The following KIAA1755 variants were observed in gnomAD, a reference collection of about 807,000 sequenced individuals.
KIAA1755 encodes KIAA1755.
KIAA1755 carries 68 observed loss-of-function variants against 91.7 expected under a neutral mutation model. The observed-to-expected ratio is 0.74, with a 90% confidence interval of 0.61 to 0.91. KIAA1755 has a LOEUF of 0.91. Among genes scored for constraint, KIAA1755 ranks in the 40% least tolerant of loss-of-function variants. The pLI is 0.00. For synonymous variants in KIAA1755, 610 were observed against 604.6 expected, an observed-to-expected ratio of 1.01 and a Z score of -0.13; for missense variants, 1,535 against 1,494.4, an observed-to-expected ratio of 1.03 and a Z score of -0.45.
Position 38,260,558 on chromosome 20 carries a change from G to A in KIAA1755, c.-58C>T, listed in dbSNP as rs950713879. The A allele has an allele frequency of 3.4e-6, 5 of 1,479,776 alleles. No homozygotes were observed. Among genetic ancestry groups the A allele is most frequent in the Middle Eastern group, 2.6e-4 (1 of 3,844 alleles). 91.7% of individuals were successfully genotyped at this position (1,479,776 alleles called of 1,614,324 possible). A position where few individuals can be genotyped will look rare whatever the true frequency, so the allele number is the denominator to read the frequency against. ...TCCTCTCCTGGGCGCGGGGTCTGTG[G>A]GTCCGCGGGTCCGTCTGTCTGGGGC... On this transcript the variant is annotated 5_prime_UTR_variant, in exon 1 of 14. Coordinates refer to ENST00000279024, the MANE Select transcript of KIAA1755 (RefSeq NM_001029864.2).
In KIAA1755 at chr20:38,223,544, C is replaced by T; in HGVS notation, c.2262G>A (p.Gly754=). 1.9e-6 allele frequency: 3 copies of T among 1,576,734 alleles called. No individual in the cohort carries two copies. Among genetic ancestry groups the T allele is most frequent in the Non-Finnish European group, 2.6e-6 (3 of 1,166,154 alleles). Reference sequence around the variant, plus strand: ...CACCATGCTCCAGGCTCACCTGCATCCCCCCAGGGGGGTCGGCCTTCTCGA... The same window carrying T: ...CACCATGCTCCAGGCTCACCTGCATTCCCCCAGGGGGGTCGGCCTTCTCGA... ...EEFEKADPPG[G]MQEATRCLSK... Residue 754 remains glycine (G), a synonymous_variant, in exon 9 of 14, where the codon GGG becomes GGA. Transcript: ENST00000279024.
chr20:38,228,632 G>T (rs770987107), intron 5 of KIAA1755, among the ~76,000 whole-genome samples: 4 of 152,168 alleles, frequency 2.6e-5, no homozygotes, highest in Non-Finnish European at 5.9e-5. Context: ...CTTCTGATTG[G>T]TTGAGGCCAA....
At chr20:38,222,630 TCC>T in intron 9 of KIAA1755, 33 bp from the exon 10 acceptor site, 1 of 1,605,050 alleles carries the variant, frequency 6.2e-7, no homozygotes, top group Non-Finnish European at 8.5e-7. Flanking sequence ...TGAGGCCCCA[TCC>T]CCACTCTCCC....
chr20:38,214,808 C>T (rs1241654368), intron 13 of KIAA1755, among the ~76,000 whole-genome samples: 1 of 152,226 alleles, frequency 6.6e-6, no homozygotes, highest in Non-Finnish European at 1.5e-5. Context: ...CGTTCCCAGC[C>T]GCTCGTGAAA....
chr20:38,225,909 GT>G, intron 7 of KIAA1755, 128 bp from the exon 8 acceptor site: 1 of 561,402 alleles, frequency 1.8e-6, no homozygotes. Context: ...AGCTTTAAAA[GT>G]TGCTTTGCCA....
At chr20:38,227,016 C>T (rs986020784) in intron 7 of KIAA1755, 138 bp downstream of exon 7, 2 of 604,856 alleles carry the variant, frequency 3.3e-6, no homozygotes, top group South Asian at 2.0e-5. Flanking sequence ...GCTTAGGCCT[C>T]GTATTTATTG....
At position 38,251,924 on chromosome 20, in the gene KIAA1755, G is replaced by C. The variant is rs1313445173; in HGVS notation, c.4-5798C>G. On this transcript the variant is annotated intron_variant, in intron 1 of 13. Coordinates refer to ENST00000279024, the MANE Select transcript of KIAA1755 (RefSeq NM_001029864.2). The stretch of plus-strand genomic sequence containing the variant: ...AAAATAAACAAATTTAAAGGGCACA[G>C]GTTGATGCCTTTTTAACCTATGTAT... 2.6e-5 allele frequency among the ~76,000 whole-genome samples: 4 copies of C among 152,032 alleles called. No homozygotes were observed. In the East Asian group the frequency reaches 7.7e-4, roughly 29 times the overall value.
chr20:38,249,522 C>G (rs918018906), intron 1 of KIAA1755, among the ~76,000 whole-genome samples: 1 of 152,174 alleles, frequency 6.6e-6, no homozygotes, highest in African/African-American at 2.4e-5. Flanking sequence ...ACTGAGGCTC[C>G]CTCCCACCCG....
rs747909268 is a variant in KIAA1755, at chr20:38,218,314, G to A, written c.2609C>T (p.Pro870Leu). The A allele has an allele frequency of 3.7e-6, 6 of 1,614,200 alleles. No homozygotes were observed. The highest frequency in any genetic ancestry group is 3.3e-5 in the Admixed American group (2 of 60,020). Residue 870 changes from proline to leucine, a missense_variant, in exon 12 of 14, where the codon CCC becomes CTC. Transcript: ENST00000279024. ...EGRRCLQSLT[P>L]KDGSLETVEK... ...CACTGTCTCCAAACTTCCATCCTTG[G>A]GGGTCAGTGATTGCAGGCACCGCCT...
chr20:38,217,593 T>G (rs2075573369), intron 12 of KIAA1755, 119 bp from the exon 13 acceptor site: 3 of 679,006 alleles, frequency 4.4e-6, no homozygotes. Context: ...AGCTTCAGTT[T>G]CCTCATCTGT....
At chr20:38,239,468 G>A in intron 4 of KIAA1755, 60 bp downstream of exon 4, 1 of 1,479,298 alleles carries the variant, frequency 6.8e-7, no homozygotes. Context: ...AACAGCAGCT[G>A]AAGATGCTCT....
At chr20:38,233,454 G>A (rs971537226) in intron 4 of KIAA1755, 17 of 152,070 alleles carry the variant, frequency 1.1e-4, no homozygotes, top group Admixed American at 5.2e-4. Context: ...AAATCCTATC[G>A]CAGCTGTTTG....
chr20:38,218,500 G>T, intron 11 of KIAA1755, 134 bp from the exon 12 acceptor site: 3 of 1,223,208 alleles, frequency 2.5e-6, no homozygotes, highest in South Asian at 3.0e-5. Flanking sequence ...CACTGGCTTG[G>T]ACTGAAATTC....
At chr20:38,257,582 A>G (rs1424620969) in intron 1 of KIAA1755, among the ~76,000 whole-genome samples, 3 of 141,886 alleles carry the variant, frequency 2.1e-5, no homozygotes, top group Non-Finnish European at 4.7e-5. Context: ...CTCCATCTAA[A>G]AAAAAAAAAA....
chr20:38,225,839 A>C, intron 7 of KIAA1755, 58 bp from the exon 8 acceptor site: 1 of 1,061,960 alleles, frequency 9.4e-7, no homozygotes, highest in Non-Finnish European at 1.4e-6. Context: ...TCATTTTAGA[A>C]GGTCCTGCCC....
chr20:38,219,569 G>T, intron 11 of KIAA1755, 61 bp downstream of exon 11: 2 of 1,600,534 alleles, frequency 1.2e-6, no homozygotes, highest in Non-Finnish European at 8.5e-7. Flanking sequence ...CAGAGTCGGG[G>T]CTTTCCTGTG....
At chr20:38,222,316 G>A in intron 10 of KIAA1755, 133 bp downstream of exon 10, 1 of 900,334 alleles carries the variant, frequency 1.1e-6, no homozygotes, top group Non-Finnish European at 1.7e-6. Flanking sequence ...CTGGGATACA[G>A]GCCCTGCAAC....
In KIAA1755 at chr20:38,213,137, G is replaced by A. The variant is rs542402614; in HGVS notation, c.3508C>T (p.Pro1170Ser). Residue 1170 changes from proline (P) to serine (S), a missense_variant, in exon 14 of 14, where the codon CCT becomes TCT. Coordinates refer to ENST00000279024, the MANE Select transcript of KIAA1755 (RefSeq NM_001029864.2). ...RQQPPRQSQV[P>S]RLTGGSFSSE... ...GAGAAGCTGCCCCCAGTGAGGCGAG[G>A]GACCTGGCTCTGCCTGGGGGGCTGC... 9.9e-6 allele frequency: 16 copies of A among 1,612,544 alleles called. No homozygotes were observed. Among genetic ancestry groups the A allele is most frequent in the Non-Finnish European group, 1.4e-5 (16 of 1,179,050 alleles).
chr20:38,245,667 C>A (rs2076145301), intron 2 of KIAA1755, among the ~76,000 whole-genome samples: 1 of 152,162 alleles, frequency 6.6e-6, no homozygotes, highest in African/African-American at 2.4e-5. Flanking sequence ...AGGGAGCCCC[C>A]AAGGATGCCT....
Sources: allele counts gnomAD v4.1 joint callset (sites outside exome capture counted in the v4.1 genomes callset), GRCh38; gene constraint gnomAD v4.1.1; transcripts MANE v1.5; gene names NCBI Gene and HGNC (gene_info 2026-07-23, HGNC 2026-07-21).